ANO2: variants seen among roughly 807,000 people sequenced by gnomAD.
The protein encoded by ANO2 is anoctamin 2, also known as anoctamin-2.
Under a neutral mutation model 124.2 loss-of-function variants are expected in ANO2, and 101 were observed. That is an observed-to-expected ratio of 0.81 (90% CI 0.69 to 0.96). ANO2 has a LOEUF of 0.96. ANO2 is among the 40% of genes least tolerant of loss of function. The probability of loss-of-function intolerance (pLI) is 0.00; values close to 1 mark genes in which losing one functional copy is unlikely to be tolerated. For synonymous variants in ANO2, 486 were observed against 482.5 expected, an observed-to-expected ratio of 1.01 and a Z score of -0.09; for missense variants, 1,293 against 1,274.5, an observed-to-expected ratio of 1.01 and a Z score of -0.22.
intron 14 of ANO2, among the ~76,000 whole-genome samples, chr12:5,698,676 G>A (rs953339923): frequency 1.3e-5 from 2 of 152,134 alleles, no homozygotes; most frequent in Non-Finnish European, 2.9e-5. Flanking sequence ...CGAACCCGTC[G>A]CAAAGAAGCT....
intron 10 of ANO2, among the ~76,000 whole-genome samples, chr12:5,791,173 T>G (rs1952684204): frequency 6.6e-6 from 1 of 152,128 alleles, no homozygotes; most frequent in African/African-American, 2.4e-5. Flanking sequence ...CTAACTTGCT[T>G]GGGTGTCTGG....
chr12:5,815,517 G>C (rs1409407090), intron 7 of ANO2, among the ~76,000 whole-genome samples: 1 of 152,046 alleles, frequency 6.6e-6, no homozygotes, highest in Non-Finnish European at 1.5e-5. Flanking sequence ...AATATATGTA[G>C]ACATGTTCTA....
intron 14 of ANO2, among the ~76,000 whole-genome samples, chr12:5,731,160 G>A (rs143499477): frequency 6.6e-6 from 1 of 152,338 alleles, no homozygotes; most frequent in African/African-American, 2.4e-5. Context: ...ATGGGGTGGA[G>A]AAAGAAGTTT....
chr12:5,647,860 G>T, intron 14 of ANO2, 59 bp from the exon 15 acceptor site: 1 of 1,288,148 alleles, frequency 7.8e-7, no homozygotes, highest in Non-Finnish European at 1.1e-6. Context: ...ATATTAATTT[G>T]CTCTCATTTG....
At chr12:5,812,497 A>AGAGGGAGGGAGGGAAGGAGG (rs1565688051) in intron 7 of ANO2, among the ~76,000 whole-genome samples, 1 of 69,828 alleles carries the variant, frequency 1.4e-5, no homozygotes, top group Non-Finnish European at 2.5e-5. Flanking sequence ...AGGAAGGAAG[A>AGAGGGAGGGAGGGAAGGAGG]AAGGGAGGGA....
intron 4 of ANO2, among the ~76,000 whole-genome samples, chr12:5,849,642 G>A (rs1290978234): frequency 1.3e-5 from 2 of 152,106 alleles, no homozygotes; most frequent in Non-Finnish European, 2.9e-5. Flanking sequence ...TAATATCTGT[G>A]CTCAGGACTT....
chr12:5,838,627 T>G (rs977362723), intron 4 of ANO2, among the ~76,000 whole-genome samples: 5 of 152,186 alleles, frequency 3.3e-5, no homozygotes, highest in African/African-American at 1.2e-4. Flanking sequence ...CTCCTGCCTC[T>G]CCTTCACCGC....
intron 14 of ANO2, among the ~76,000 whole-genome samples, chr12:5,689,825 G>T (rs1948857344): frequency 6.6e-6 from 1 of 152,170 alleles, no homozygotes; most frequent in Admixed American, 6.5e-5. Flanking sequence ...CTGGCACATA[G>T]TAAGCACTCA....
intron 7 of ANO2, among the ~76,000 whole-genome samples, chr12:5,819,743 T>C (rs1241238497): frequency 6.6e-6 from 1 of 152,186 alleles, no homozygotes; most frequent in Non-Finnish European, 1.5e-5. Flanking sequence ...AAGGGCCCTA[T>C]AATCACTCTT....
At chr12:5,859,319 A>G (rs938017697) in intron 3 of ANO2, among the ~76,000 whole-genome samples, 6 of 152,238 alleles carry the variant, frequency 3.9e-5, no homozygotes, top group Admixed American at 6.5e-5. Flanking sequence ...AATGTGAAAT[A>G]TATAACAGAG....
intron 11 of ANO2, among the ~76,000 whole-genome samples, chr12:5,748,717 G>A (rs1357801630): frequency 6.6e-6 from 1 of 151,580 alleles, no homozygotes; most frequent in African/African-American, 2.4e-5. Context: ...ATAAGTATTA[G>A]CTCTTCCCTC....
At chr12:5,887,606 T>C (rs1467294273) in intron 3 of ANO2, among the ~76,000 whole-genome samples, 1 of 152,220 alleles carries the variant, frequency 6.6e-6, no homozygotes, top group African/African-American at 2.4e-5. Context: ...GTCATCCAAC[T>C]AATGTTTTCA....
At chr12:5,840,054 T>G (rs1195584279) in intron 4 of ANO2, among the ~76,000 whole-genome samples, 1 of 152,138 alleles carries the variant, frequency 6.6e-6, no homozygotes, top group African/African-American at 2.4e-5. Flanking sequence ...CAATCCTCTT[T>G]ATTATTATTA....
intron 10 of ANO2, among the ~76,000 whole-genome samples, chr12:5,772,922 G>A (rs1489349091): frequency 2.6e-5 from 4 of 152,250 alleles, no homozygotes; most frequent in African/African-American, 4.8e-5. Flanking sequence ...TGGAGCTGCT[G>A]ACCCATTCGC....
At chr12:5,704,372 G>T (rs1161392386) in intron 14 of ANO2, among the ~76,000 whole-genome samples, 1 of 152,162 alleles carries the variant, frequency 6.6e-6, no homozygotes, top group South Asian at 2.1e-4. Flanking sequence ...ATGCGCCCTG[G>T]TGAGAGCAAC....
chr12:5,624,089 G>A (rs188199820), intron 16 of ANO2, among the ~76,000 whole-genome samples: 188 of 152,280 alleles, frequency 1.2e-3, no homozygotes, highest in Admixed American at 2.4e-3. Context: ...CTAGCACAGG[G>A]GGCCTATCCC....
intron 16 of ANO2, among the ~76,000 whole-genome samples, chr12:5,631,817 A>G (rs961480795): frequency 6.6e-6 from 1 of 152,112 alleles, no homozygotes; most frequent in Non-Finnish European, 1.5e-5. Context: ...CACAGTGGGA[A>G]GAAAGTAGCT....
At chr12:5,718,320 G>A (rs1950096613) in intron 14 of ANO2, among the ~76,000 whole-genome samples, 1 of 152,252 alleles carries the variant, frequency 6.6e-6, no homozygotes, top group African/African-American at 2.4e-5. Flanking sequence ...ATCAAGGCAG[G>A]AAGTTTATGG....
intron 10 of ANO2, among the ~76,000 whole-genome samples, chr12:5,757,982 T>A (rs761894182): frequency 2.0e-5 from 3 of 152,154 alleles, no homozygotes; most frequent in Admixed American, 6.5e-5. Flanking sequence ...ATAAGGAAGA[T>A]AATGGGTAAG....
Sources: gnomAD v4.1 joint callset for allele counts (sites outside exome capture counted in the v4.1 genomes callset) on GRCh38, gnomAD v4.1.1 for gene constraint, MANE v1.5 for transcripts, NCBI Gene and HGNC (gene_info 2026-07-23, HGNC 2026-07-21) for gene names.